IL7: variants seen among roughly 807,000 people sequenced by gnomAD.
The protein encoded by IL7 is interleukin-7.
In IL7, 3 loss-of-function variants were observed where a neutral mutation model predicts 21.6. The observed-to-expected ratio is 0.14, with a 90% CI of 0.06 to 0.36. IL7 has a LOEUF of 0.36. Ranked by LOEUF, IL7 falls within the 10% of genes least tolerant of loss-of-function variation. The pLI is 1.00. For synonymous variants in IL7, 62 were observed against 68.1 expected (o/e 0.91, Z 0.44); for missense variants, 175 against 200.2 (o/e 0.87, Z 0.76).
At chr8:78,697,360 A>T in intron 3 of IL7, 1 of 1,449,998 alleles carries the variant, frequency 6.9e-7, no homozygotes, top group Non-Finnish European at 9.5e-7. Context: ...TTTACAATCC[A>T]TAATCAAAAA....
In IL7 at chr8:78,733,027, A is replaced by G. The variant is rs992042763; in HGVS notation, c.*686T>C. 6.6e-6 allele frequency: 1 copy of G among 152,022 alleles called. No homozygotes were observed. The highest frequency in any genetic ancestry group is 1.9e-4 in the East Asian group (1 of 5,200). The allele number at this position is 152,022 out of a possible 1,614,324, so 9.4% of individuals were successfully genotyped here. A position where few individuals can be genotyped will look rare whatever the true frequency, so the allele number is the denominator to read the frequency against. On this transcript the variant is annotated 3_prime_UTR_variant, in exon 6 of 6. Transcript: ENST00000263851. ...GGTTTAGCATCCTTAGACTAGGTGAATTTATTTTTATTTTATTTTATTTTT... is the reference window on the plus strand; with the variant it reads ...GGTTTAGCATCCTTAGACTAGGTGAGTTTATTTTTATTTTATTTTATTTTT...
At position 78,703,603 on chromosome 8, in the gene IL7, C is replaced by T. The variant is rs181029648; in HGVS notation, n.215-17656G>A. ...TTTATCAGAAATTAGGAGTACAACC[C>T]CTGCTTTTTTCTGTTTTCCATTTGC... On this transcript the variant is annotated intron_variant and non_coding_transcript_variant, in intron 3 of 4. Transcript: ENST00000523959. 3.0e-3 allele frequency among the ~76,000 whole-genome samples: 446 copies of T among 151,044 alleles called. 1 individual carries two copies. Among genetic ancestry groups the T allele is most frequent in the Non-Finnish European group, 5.5e-3 (375 of 67,836 alleles).
chr8:78,801,013 A>C (rs552900619), intron 1 of IL7, among the ~76,000 whole-genome samples: 1 of 152,258 alleles, frequency 6.6e-6, no homozygotes, highest in African/African-American at 2.4e-5. Context: ...TATTCACCGG[A>C]TGGCATTTTG....
intron 3 of IL7, chr8:78,697,317 A>G: frequency 1.9e-6 from 2 of 1,066,568 alleles, no homozygotes; most frequent in South Asian, 3.6e-5. Flanking sequence ...CTGAAATCCT[A>G]AACCCAAAGA....
chr8:78,733,131 T>G lies in IL7; in HGVS notation c.*582A>C, dbSNP rs1811465750. On this transcript the variant is annotated 3_prime_UTR_variant, in exon 6 of 6. Transcript: ENST00000263851. Reference sequence around the variant, plus strand: ...CACTGTGTTACACATTCATGATTAATTAAATCTCTTGAAATCTCTTTTAGG... The same window carrying G: ...CACTGTGTTACACATTCATGATTAAGTAAATCTCTTGAAATCTCTTTTAGG... 1 of 152,172 alleles carries G rather than the reference T, an allele frequency of 6.6e-6. No homozygotes were observed. Among genetic ancestry groups the G allele is most frequent in the Non-Finnish European group, 1.5e-5 (1 of 68,026 alleles). 9.4% of individuals were successfully genotyped at this position (152,172 alleles called of 1,614,324 possible).
At chr8:78,689,056 A>G (rs1167789003) in intron 3 of IL7, among the ~76,000 whole-genome samples, 1 of 145,690 alleles carries the variant, frequency 6.9e-6, no homozygotes, top group East Asian at 2.0e-4. Flanking sequence ...TTAACTCTTT[A>G]CTAAGTTTAG....
intron 2 of IL7, among the ~76,000 whole-genome samples, chr8:78,787,990 T>A (rs1426618785): frequency 6.6e-6 from 1 of 152,172 alleles, no homozygotes; most frequent in Non-Finnish European, 1.5e-5. Context: ...TTTTGGTGGC[T>A]GCTGGCAATC....
intron 5 of IL7, among the ~76,000 whole-genome samples, chr8:78,734,897 A>G (rs1563412801): frequency 6.6e-6 from 1 of 152,200 alleles, no homozygotes; most frequent in Non-Finnish European, 1.5e-5. Context: ...AAGTAAATAA[A>G]TATATGTCAA....
intron 3 of IL7, among the ~76,000 whole-genome samples, chr8:78,690,021 A>T (rs973707219): frequency 1.3e-5 from 2 of 152,032 alleles, no homozygotes; most frequent in African/African-American, 4.8e-5. Flanking sequence ...TTCTATGTGG[A>T]TATTCTATTG....
At chr8:78,763,051 G>T (rs1467148327) in intron 2 of IL7, among the ~76,000 whole-genome samples, 1 of 152,210 alleles carries the variant, frequency 6.6e-6, no homozygotes, top group African/African-American at 2.4e-5. Context: ...TTGTCTGAGA[G>T]TTCTTCATTG....
chr8:78,778,770 AT>A (rs1813216332), intron 2 of IL7, among the ~76,000 whole-genome samples: 1 of 152,092 alleles, frequency 6.6e-6, no homozygotes, highest in African/African-American at 2.4e-5. Context: ...GTTTTTTCTA[AT>A]TCTGGGAAGA....
intron 2 of IL7, among the ~76,000 whole-genome samples, chr8:78,795,152 T>C (rs998213210): frequency 2.0e-5 from 3 of 152,022 alleles, no homozygotes; most frequent in Admixed American, 6.6e-5. Context: ...TTAAATTAGT[T>C]AACACATGGA....
At chr8:78,777,689 C>T (rs796429712) in intron 2 of IL7, among the ~76,000 whole-genome samples, 2 of 152,072 alleles carry the variant, frequency 1.3e-5, no homozygotes, top group South Asian at 4.1e-4. Context: ...AGGACATCAG[C>T]TGCCATCTGT....
chr8:78,689,222 A>G (rs1167369115), intron 3 of IL7: 2 of 1,558,222 alleles, frequency 1.3e-6, no homozygotes, highest in Non-Finnish European at 8.7e-7. Flanking sequence ...TCTGTTATAG[A>G]TTATATTCAA....
Position 78,787,405 on chromosome 8 carries a change from GA to G in IL7, c.147+10666del, listed in dbSNP as rs1378968284. On this transcript the variant is annotated intron_variant, in intron 2 of 5. Coordinates refer to ENST00000263851, the MANE Select transcript of IL7 (RefSeq NM_000880.4). ...ATTGATTCTTTGCTTAGAATATGAG[GA>G]AAAAAACTCTCACACATTTGGTCAT... 7.9e-5 allele frequency among the ~76,000 whole-genome samples: 12 copies of G among 151,976 alleles called. No homozygotes were observed. The East Asian group carries it at 1.4e-3, about 17-fold the overall frequency.
At chr8:78,754,651 T>C (rs72661352) in intron 2 of IL7, among the ~76,000 whole-genome samples, 6,769 of 152,270 alleles carry the variant, frequency 0.044, 212 homozygotes, top group Middle Eastern at 0.085. Flanking sequence ...GCTACAAGGC[T>C]TTGCTCACTT....
At chr8:78,792,665 C>T (rs1223582241) in intron 2 of IL7, among the ~76,000 whole-genome samples, 1 of 151,642 alleles carries the variant, frequency 6.6e-6, no homozygotes, top group Non-Finnish European at 1.5e-5. Context: ...TAATAACAGC[C>T]AATAATGAAA....
chr8:78,676,847 A>G (rs888070331), intron 4 of IL7, among the ~76,000 whole-genome samples: 1 of 151,952 alleles, frequency 6.6e-6, no homozygotes, highest in African/African-American at 2.4e-5. Flanking sequence ...GCTCTCATTT[A>G]TGTGGTATTT....
intron 2 of IL7, chr8:78,762,276 G>C: frequency 6.3e-7 from 1 of 1,581,778 alleles, no homozygotes; most frequent in Non-Finnish European, 8.7e-7. Context: ...TGTTTATTTA[G>C]CTGATCAGGT....
Sources: gnomAD v4.1 joint callset for allele counts (sites outside exome capture counted in the v4.1 genomes callset) on GRCh38, gnomAD v4.1.1 for gene constraint, MANE v1.5 for transcripts, NCBI Gene and HGNC (gene_info 2026-07-23, HGNC 2026-07-21) for gene names.